CRTC3: variants seen among roughly 807,000 people sequenced by gnomAD.
CRTC3 encodes CREB regulated transcription coactivator 3.
Under a neutral mutation model 74.5 loss-of-function variants are expected in CRTC3, and 26 were observed. That is an observed-to-expected ratio of 0.35 (90% CI 0.26 to 0.48). The LOEUF is 0.48. Ranked by LOEUF, CRTC3 falls within the 20% of genes least tolerant of loss-of-function variation. The probability of loss-of-function intolerance (pLI) is 0.99; values close to 1 mark genes in which losing one functional copy is unlikely to be tolerated. For missense variants in CRTC3, 760 were observed against 787.3 expected, an observed-to-expected ratio of 0.97 and a Z score of 0.41; for synonymous variants, 377 against 325.8, an observed-to-expected ratio of 1.16 and a Z score of -1.69.
intron 9 of CRTC3, among the ~76,000 whole-genome samples, chr15:90,624,578 C>T (rs376008017): frequency 2.6e-4 from 39 of 152,220 alleles, no homozygotes; most frequent in African/African-American, 8.4e-4. Flanking sequence ...AACCCGTCCC[C>T]TCCACAGCCC....
At chr15:90,550,690 C>CT (rs367736343) in intron 2 of CRTC3, among the ~76,000 whole-genome samples, 1,920 of 148,014 alleles carry the variant, frequency 0.013, 38 homozygotes, top group African/African-American at 0.044. Context: ...TCGAAACCTG[C>CT]TTTTTTTTTT....
At chr15:90,627,711 T>A (rs1968888142) in intron 10 of CRTC3, among the ~76,000 whole-genome samples, 1 of 150,978 alleles carries the variant, frequency 6.6e-6, no homozygotes, top group Non-Finnish European at 1.5e-5. Context: ...AAGCTCTGCC[T>A]CCTAGGTTCA....
intron 4 of CRTC3, among the ~76,000 whole-genome samples, chr15:90,603,667 C>G (rs539333079): frequency 6.6e-6 from 1 of 152,106 alleles, no homozygotes; most frequent in African/African-American, 2.4e-5. Context: ...ATCACCAAGT[C>G]AGATTTAGGA....
chr15:90,587,905 T>C (rs529704546), intron 2 of CRTC3, among the ~76,000 whole-genome samples: 11 of 151,390 alleles, frequency 7.3e-5, no homozygotes, highest in Admixed American at 3.9e-4. Flanking sequence ...TGAGCCACTA[T>C]GCCTGGCTCC....
chr15:90,553,226 A>G (rs1054332201), intron 2 of CRTC3, among the ~76,000 whole-genome samples: 1 of 152,126 alleles, frequency 6.6e-6, no homozygotes, highest in Non-Finnish European at 1.5e-5. Context: ...TACCTCCTGA[A>G]CTACATGCAC....
At chr15:90,585,010 A>G (rs138188781) in intron 2 of CRTC3, among the ~76,000 whole-genome samples, 2 of 152,356 alleles carry the variant, frequency 1.3e-5, no homozygotes, top group Non-Finnish European at 2.9e-5. Flanking sequence ...ACTGGAGCCA[A>G]CGTCAATTTG....
At chr15:90,604,113 ACTC>A in intron 4 of CRTC3, 1 of 342,860 alleles carries the variant, frequency 2.9e-6, no homozygotes, top group Non-Finnish European at 5.5e-6. Context: ...TGCACACTGA[ACTC>A]CTCATCTGCC....
At chr15:90,551,930 GCACACACACACACGCACACACACA>G (rs987357918) in intron 2 of CRTC3, among the ~76,000 whole-genome samples, 10 of 93,794 alleles carry the variant, frequency 1.1e-4, no homozygotes, top group Non-Finnish European at 1.7e-4. Flanking sequence ...TTACACACAC[GCACACACACACACGCACACACACA>G]CACACACACA....
chr15:90,612,658 C>T (rs1393123691), intron 6 of CRTC3, among the ~76,000 whole-genome samples: 1 of 151,900 alleles, frequency 6.6e-6, no homozygotes, highest in Non-Finnish European at 1.5e-5. Context: ...ACAGGATAGT[C>T]ACTTTTTAGT....
intron 2 of CRTC3, among the ~76,000 whole-genome samples, chr15:90,592,326 A>G (rs6496698): frequency 0.87 from 131,710 of 152,238 alleles, 57,364 homozygotes; most frequent in African/African-American, 0.94. Context: ...ATATCAAAAC[A>G]TCATGTTGTA....
intron 1 of CRTC3, among the ~76,000 whole-genome samples, chr15:90,535,509 G>C (rs1352786881): frequency 6.6e-6 from 1 of 152,162 alleles, no homozygotes; most frequent in Non-Finnish European, 1.5e-5. Flanking sequence ...ACGGGGGTGG[G>C]GAATGGAGAT....
At chr15:90,612,079 T>TCCG (rs1305544276) in intron 6 of CRTC3, among the ~76,000 whole-genome samples, 3 of 95,208 alleles carry the variant, frequency 3.2e-5, no homozygotes, top group Admixed American at 2.7e-4. Context: ...CTCCTCCTCC[T>TCCG]CCGCCTCCTC....
chr15:90,569,968 A>G lies in CRTC3; in HGVS notation c.232-23668A>G, dbSNP rs965864143. Among the ~76,000 whole-genome samples the G allele has an allele frequency of 4.6e-5, 7 of 152,352 alleles. 2 individuals are homozygous for G. Among genetic ancestry groups the G allele is most frequent in the Admixed American group, 6.5e-5 (1 of 15,304 alleles). Reference sequence around the variant, plus strand: ...TTTATTATAGTGAGTAATTGATTTCAGTAAAATATGATCTATCAGCTCAGT... The same window carrying G: ...TTTATTATAGTGAGTAATTGATTTCGGTAAAATATGATCTATCAGCTCAGT... On this transcript the variant is annotated intron_variant, in intron 2 of 14. Coordinates refer to ENST00000268184, the MANE Select transcript of CRTC3 (RefSeq NM_022769.5).
chr15:90,633,020 A>G (rs1969097343), intron 11 of CRTC3, among the ~76,000 whole-genome samples: 1 of 152,072 alleles, frequency 6.6e-6, no homozygotes, highest in East Asian at 1.9e-4. Context: ...CACAGACTCC[A>G]CCACACACAT....
intron 2 of CRTC3, among the ~76,000 whole-genome samples, chr15:90,551,723 C>A (rs938649934): frequency 4.0e-5 from 3 of 74,604 alleles, no homozygotes; most frequent in Non-Finnish European, 8.7e-5. Flanking sequence ...TGAAGTGTTT[C>A]TTTTAGTGGT....
chr15:90,551,903 C>G (rs374669403), intron 2 of CRTC3, among the ~76,000 whole-genome samples: 134 of 6,112 alleles, frequency 0.022, no homozygotes, highest in African/African-American at 0.03. Flanking sequence ...TAAGGCGCGC[C>G]CTTACATTAC....
At chr15:90,551,934 A>ACG (rs1966858788) in intron 2 of CRTC3, among the ~76,000 whole-genome samples, 1 of 9,724 alleles carries the variant, frequency 1.0e-4, no homozygotes, top group African/African-American at 4.3e-4. Context: ...ACACACGCAC[A>ACG]CACACACACG....
At chr15:90,543,498 C>G (rs1416617440) in intron 2 of CRTC3, among the ~76,000 whole-genome samples, 4 of 151,856 alleles carry the variant, frequency 2.6e-5, no homozygotes, top group Non-Finnish European at 5.9e-5. Flanking sequence ...CTATTATAAT[C>G]TATTATTTTA....
At chr15:90,617,011 C>T (rs1968510611) in intron 7 of CRTC3, among the ~76,000 whole-genome samples, 1 of 152,164 alleles carries the variant, frequency 6.6e-6, no homozygotes, top group African/African-American at 2.4e-5. Context: ...CTTCCATTCT[C>T]TCCTTTGCCA....
Sources: allele counts gnomAD v4.1 joint callset (sites outside exome capture counted in the v4.1 genomes callset), GRCh38; gene constraint gnomAD v4.1.1; transcripts MANE v1.5; gene names NCBI Gene and HGNC (gene_info 2026-07-23, HGNC 2026-07-21).